CELF2: variants seen among roughly 807,000 people sequenced by gnomAD.
The protein encoded by CELF2 is CUG triplet repeat RNA-binding protein 2.
A neutral mutation model predicts 62.6 loss-of-function variants in CELF2; 8 were observed. The ratio of observed to expected loss-of-function variants is 0.13; its 90% CI spans 0.07 to 0.23. The LOEUF (loss-of-function observed/expected upper bound fraction) is 0.23. CELF2 is among the 10% of genes least tolerant of loss of function. The probability of loss-of-function intolerance (pLI) is 1.00; values close to 1 mark genes in which losing one functional copy is unlikely to be tolerated. For missense variants in CELF2, 333 were observed against 671.0 expected (o/e 0.50, Z 5.56); for synonymous variants, 258 against 250.0 (o/e 1.03, Z -0.30).
At chr10:11,327,728 ACTT>A (rs954056137) in intron 12 of CELF2, among the ~76,000 whole-genome samples, 1 of 152,230 alleles carries the variant, frequency 6.6e-6, no homozygotes, top group African/African-American at 2.4e-5. Flanking sequence ...GTAAACAGCC[ACTT>A]CTTTGCAATC....
At chr10:10,745,125 AAAC>A in the CELF2 span, among the ~76,000 whole-genome samples, 2 of 121,340 alleles carry the variant, frequency 1.6e-5, no homozygotes, top group Non-Finnish European at 3.7e-5. Context: ...AAAAAAAAAA[AAAC>A]AAAACAAAAA....
the CELF2 span, among the ~76,000 whole-genome samples, chr10:10,485,813 A>G: frequency 6.6e-6 from 1 of 152,214 alleles, no homozygotes; most frequent in East Asian, 1.9e-4. Flanking sequence ...TGCAAAACAG[A>G]GCCCTACAAC....
At chr10:11,174,583 T>C (rs1237256275) in intron 2 of CELF2, among the ~76,000 whole-genome samples, 1 of 152,162 alleles carries the variant, frequency 6.6e-6, no homozygotes, top group Non-Finnish European at 1.5e-5. Context: ...TAAATAGGAA[T>C]TAGGGAGAAG....
At chr10:10,627,505 A>G in the CELF2 span, among the ~76,000 whole-genome samples, 4 of 152,240 alleles carry the variant, frequency 2.6e-5, no homozygotes, top group Admixed American at 1.3e-4. Flanking sequence ...CCTAAAAATT[A>G]GAAGTCCCAT....
the CELF2 span, among the ~76,000 whole-genome samples, chr10:10,487,936 A>G: frequency 1.3e-5 from 2 of 152,116 alleles, no homozygotes; most frequent in Non-Finnish European, 2.9e-5. Flanking sequence ...TTTGTTTAAT[A>G]ATGCATAATC....
At chr10:10,775,634 A>G in the CELF2 span, among the ~76,000 whole-genome samples, 1 of 151,720 alleles carries the variant, frequency 6.6e-6, no homozygotes, top group Non-Finnish European at 1.5e-5. Context: ...AAATATATAT[A>G]TAGGGGACAG....
the CELF2 span, among the ~76,000 whole-genome samples, chr10:10,489,911 G>A: frequency 1.1e-4 from 16 of 151,892 alleles, no homozygotes; most frequent in Admixed American, 1.0e-3. Flanking sequence ...TTGGGGGGAG[G>A]GTGGGTGGAT....
intron 3 of CELF2, among the ~76,000 whole-genome samples, chr10:11,236,500 T>A (rs1164897670): frequency 6.6e-6 from 1 of 152,200 alleles, no homozygotes; most frequent in East Asian, 1.9e-4. Flanking sequence ...AAGTCACTGT[T>A]TAACTTGAAT....
chr10:10,764,107 T>G, the CELF2 span, among the ~76,000 whole-genome samples: 1 of 152,202 alleles, frequency 6.6e-6, no homozygotes, highest in Admixed American at 6.5e-5. Flanking sequence ...ATGCAAAAAT[T>G]CAGACGGGAA....
At chr10:10,482,346 G>A in the CELF2 span, among the ~76,000 whole-genome samples, 9 of 152,102 alleles carry the variant, frequency 5.9e-5, no homozygotes, top group East Asian at 3.9e-4. Context: ...TTTAAAATAC[G>A]TGAAAAGTTG....
the CELF2 span, among the ~76,000 whole-genome samples, chr10:10,485,425 A>G: frequency 6.6e-6 from 1 of 152,200 alleles, no homozygotes; most frequent in Non-Finnish European, 1.5e-5. Context: ...ATAAACTTTT[A>G]AGCCCAGGAT....
intron 1 of CELF2, among the ~76,000 whole-genome samples, chr10:11,147,829 G>A (rs1338629757): frequency 1.3e-5 from 2 of 152,160 alleles, no homozygotes; most frequent in Non-Finnish European, 2.9e-5. Flanking sequence ...ATCCATTTTT[G>A]TGAACACCTG....
At chr10:11,013,281 A>T (rs1242972022), upstream of CELF2, among the ~76,000 whole-genome samples, 1 of 152,252 alleles carries the variant, frequency 6.6e-6, no homozygotes, top group Non-Finnish European at 1.5e-5. This position sits in a 1 kb window ranked among gnomAD's most constrained non-coding sequence, Gnocchi z 4.1. Flanking sequence ...GCTGAGAAAG[A>T]AAGAAATAAA....
At chr10:10,621,385 A>G in the CELF2 span, among the ~76,000 whole-genome samples, 4 of 152,076 alleles carry the variant, frequency 2.6e-5, no homozygotes, top group Non-Finnish European at 1.5e-5. Context: ...CTTTTTTTTG[A>G]GAACATTCCC....
At chr10:10,537,113 G>T in the CELF2 span, among the ~76,000 whole-genome samples, 3 of 152,162 alleles carry the variant, frequency 2.0e-5, no homozygotes, top group Non-Finnish European at 4.4e-5. Flanking sequence ...AAACAAGAGG[G>T]AGGAAGCCTC....
chr10:11,083,908 T>G (rs2074705166), intron 1 of CELF2, among the ~76,000 whole-genome samples: 2 of 152,182 alleles, frequency 1.3e-5, no homozygotes, highest in African/African-American at 4.8e-5. Context: ...ACGTCTTCAC[T>G]CTGTGCTTCC....
chr10:11,321,490 C>T lies in CELF2; in HGVS notation c.1294+104C>T, dbSNP rs1187648789. 11 of 860,898 alleles carry T rather than the reference C, an allele frequency of 1.3e-5. No individual in the cohort carries two copies. In the Admixed American group the frequency reaches 2.0e-4, roughly 16 times the overall value. 53.3% of individuals were successfully genotyped at this position (860,898 alleles called of 1,614,324 possible). A position where few individuals can be genotyped will look rare whatever the true frequency, so the allele number is the denominator to read the frequency against. On this transcript the variant is annotated intron_variant, in intron 11 of 12. Transcript: ENST00000633077. The surrounding 1 kb of genome is among the most constrained non-coding windows in gnomAD (Gnocchi z 6.2). Reference sequence around the variant, plus strand: ...AAATTGAACTGAACCCATGTCATAACAGAAAGCAGTTGTTTTGTTATTCAT... The same window carrying T: ...AAATTGAACTGAACCCATGTCATAATAGAAAGCAGTTGTTTTGTTATTCAT...
intron 2 of CELF2, among the ~76,000 whole-genome samples, chr10:11,186,977 T>C (rs1003274396): frequency 3.3e-5 from 5 of 152,186 alleles, no homozygotes; most frequent in African/African-American, 7.2e-5. Flanking sequence ...ATATGACTTA[T>C]CTTGGTAAAC....
intron 1 of CELF2, among the ~76,000 whole-genome samples, chr10:11,024,504 G>C (rs1019092892): frequency 6.7e-6 from 1 of 149,692 alleles, no homozygotes; most frequent in Non-Finnish European, 1.5e-5. Context: ...GGGAGGCTGA[G>C]GGGGGAGGAT....
Sources: allele counts gnomAD v4.1 joint callset (sites outside exome capture counted in the v4.1 genomes callset), GRCh38; gene constraint gnomAD v4.1.1; non-coding constraint Gnocchi (gnomAD v3.1); transcripts MANE v1.5; gene names NCBI Gene and HGNC (gene_info 2026-07-23, HGNC 2026-07-21).